The following SHISA9 variants were observed in gnomAD, a reference collection of about 807,000 sequenced individuals.
SHISA9 encodes the protein shisa family member 9, also known as protein shisa-9.
A neutral mutation model predicts 38.0 loss-of-function variants in SHISA9; 13 were observed. The ratio of observed to expected loss-of-function variants is 0.34; its 90% CI spans 0.22 to 0.54. The LOEUF (loss-of-function observed/expected upper bound fraction) is 0.54. Among genes scored for constraint, SHISA9 ranks in the 20% least tolerant of loss-of-function variants. The pLI is 0.91. For synonymous variants in SHISA9, 275 were observed against 242.0 expected, an observed-to-expected ratio of 1.14 and a Z score of -1.27; for missense variants, 538 against 575.8, an observed-to-expected ratio of 0.93 and a Z score of 0.67.
At chr16:13,385,411 A>G in the SHISA9 span, among the ~76,000 whole-genome samples, 1 of 152,322 alleles carries the variant, frequency 6.6e-6, no homozygotes, top group East Asian at 1.9e-4. Context: ...TCAAGGGGGA[A>G]ATGCTTAAAC....
At chr16:13,015,219 T>C (rs144565793) in intron 2 of SHISA9, among the ~76,000 whole-genome samples, 1 of 152,388 alleles carries the variant, frequency 6.6e-6, no homozygotes, top group Non-Finnish European at 1.5e-5. Flanking sequence ...TGTGGCACCT[T>C]TTGTGCTGCA....
At chr16:13,260,566 C>T in the SHISA9 span, among the ~76,000 whole-genome samples, 1 of 152,142 alleles carries the variant, frequency 6.6e-6, no homozygotes, top group Non-Finnish European at 1.5e-5. Flanking sequence ...ACTCCAGTTC[C>T]CAAGAAGTTC....
intron 2 of SHISA9, among the ~76,000 whole-genome samples, chr16:13,142,497 T>G (rs2050410434): frequency 6.6e-6 from 1 of 152,316 alleles, no homozygotes; most frequent in African/African-American, 2.4e-5. Flanking sequence ...GGGAACTATC[T>G]AAGTAAGTAA....
chr16:13,353,238 T>C, the SHISA9 span, among the ~76,000 whole-genome samples: 1 of 152,208 alleles, frequency 6.6e-6, no homozygotes, highest in East Asian at 1.9e-4. Flanking sequence ...AAACAGTTGT[T>C]GTATAGAATG....
Position 13,235,318 on chromosome 16 carries a change from G to A in SHISA9, c.1184G>A (p.Gly395Asp). The A allele has an allele frequency of 6.5e-7, 1 of 1,549,194 alleles. No homozygotes were observed. The highest frequency in any genetic ancestry group is 8.7e-7 in the Non-Finnish European group (1 of 1,146,992). The change falls in exon 5 of 5, where the codon GGC becomes GAC. Residue 395 changes from glycine to aspartate, a missense_variant. By Grantham distance (94) the Gly-to-Asp change is moderately conservative. Around this residue, in one of 4 missense-constraint regions of SHISA9, gnomAD observed 326 missense variants for 305.9 expected, o/e 1.07. Coordinates refer to ENST00000558583, the MANE Select transcript of SHISA9 (RefSeq NM_001145204.3). ...NKGKLGTAETGSSDPLGTRPQ... is the reference protein window; with the variant it reads ...NKGKLGTAETDSSDPLGTRPQ... ...GGCAAGCTTGGCACGGCCGAGACAGGCTCCAGCGACCCCTTGGGAACTCGC... is the reference window on the plus strand; with the variant it reads ...GGCAAGCTTGGCACGGCCGAGACAGACTCCAGCGACCCCTTGGGAACTCGC...
chr16:13,534,165 A>C, the SHISA9 span, among the ~76,000 whole-genome samples: 2 of 150,500 alleles, frequency 1.3e-5, no homozygotes, highest in African/African-American at 4.9e-5. Context: ...CATTTACAAC[A>C]CAATGCCCCA....
At chr16:12,960,648 C>T (rs2071898031) in intron 2 of SHISA9, among the ~76,000 whole-genome samples, 1 of 152,218 alleles carries the variant, frequency 6.6e-6, no homozygotes, top group Non-Finnish European at 1.5e-5. Context: ...TCATTATCCT[C>T]AGCAAACTAA....
chr16:12,956,198 C>G (rs1291630298), intron 2 of SHISA9, among the ~76,000 whole-genome samples: 1 of 110,574 alleles, frequency 9.0e-6, no homozygotes, highest in East Asian at 2.7e-4. Flanking sequence ...TTACACCTGT[C>G]AGAATGGCTA....
At chr16:13,459,502 A>G in the SHISA9 span, among the ~76,000 whole-genome samples, 1 of 152,076 alleles carries the variant, frequency 6.6e-6, no homozygotes, top group Non-Finnish European at 1.5e-5. Context: ...ATTTATTTTT[A>G]ATGCTCTTAT....
At chr16:12,921,372 G>A (rs982166292) in intron 2 of SHISA9, among the ~76,000 whole-genome samples, 6 of 152,186 alleles carry the variant, frequency 3.9e-5, no homozygotes, top group East Asian at 1.9e-4. Flanking sequence ...TTCTGAGGAC[G>A]CTGTATAGCT....
chr16:13,114,282 T>C (rs1050187504), intron 2 of SHISA9, among the ~76,000 whole-genome samples: 2 of 151,480 alleles, frequency 1.3e-5, no homozygotes, highest in African/African-American at 4.9e-5. Context: ...CTGGCTAACA[T>C]GGTGAAACCC....
intron 2 of SHISA9, among the ~76,000 whole-genome samples, chr16:13,108,399 G>A (rs1195910652): frequency 6.6e-6 from 1 of 152,042 alleles, no homozygotes; most frequent in African/African-American, 2.4e-5. Flanking sequence ...TGAGTCGCTG[G>A]GACTGCAGGC....
chr16:12,942,604 A>G (rs570232021), intron 2 of SHISA9, among the ~76,000 whole-genome samples: 1 of 152,236 alleles, frequency 6.6e-6, no homozygotes, highest in South Asian at 2.1e-4. Flanking sequence ...GCTTTGAGAA[A>G]TAAGTGCTAG....
intron 2 of SHISA9, among the ~76,000 whole-genome samples, chr16:13,019,762 T>TC (rs2072801382): frequency 6.7e-6 from 1 of 149,746 alleles, no homozygotes. Context: ...TTCTTTTCTT[T>TC]CTTTTCTTTC....
At chr16:13,525,150 T>C in the SHISA9 span, among the ~76,000 whole-genome samples, 2 of 152,178 alleles carry the variant, frequency 1.3e-5, no homozygotes, top group Admixed American at 6.5e-5. Context: ...TCTAAGAATT[T>C]GCATTTCTAG....
the SHISA9 span, among the ~76,000 whole-genome samples, chr16:13,418,513 G>A: frequency 6.6e-5 from 10 of 152,096 alleles, no homozygotes; most frequent in Non-Finnish European, 1.5e-5. Flanking sequence ...GAACACTTGG[G>A]GTCTGACTGG....
At chr16:13,355,793 T>C in the SHISA9 span, among the ~76,000 whole-genome samples, 1 of 152,028 alleles carries the variant, frequency 6.6e-6, no homozygotes, top group Admixed American at 6.5e-5. Context: ...TCCGTGATGG[T>C]CTAGGGGGCT....
At chr16:13,096,255 G>A (rs779985467) in intron 2 of SHISA9, among the ~76,000 whole-genome samples, 7 of 152,178 alleles carry the variant, frequency 4.6e-5, no homozygotes, top group Non-Finnish European at 8.8e-5. Context: ...AAGGTAGCTG[G>A]ATTATGTACT....
At chr16:13,412,441 C>G in the SHISA9 span, among the ~76,000 whole-genome samples, 1 of 152,120 alleles carries the variant, frequency 6.6e-6, no homozygotes, top group Admixed American at 6.5e-5. Flanking sequence ...ATTCCTTCCC[C>G]TTTCCTACGT....
Sources: gnomAD v4.1 joint callset for allele counts (sites outside exome capture counted in the v4.1 genomes callset) on GRCh38, gnomAD v4.1.1 for gene constraint, gnomAD v4.1.1 regional missense constraint, MANE v1.5 for transcripts, NCBI Gene and HGNC (gene_info 2026-07-23, HGNC 2026-07-21) for gene names.